GNL2: variants seen among roughly 807,000 people sequenced by gnomAD.
GNL2 encodes nucleolar GTP-binding protein 2.
GNL2 carries 51 observed loss-of-function variants against 92.3 expected under a neutral mutation model. The observed-to-expected ratio is 0.55, with a 90% CI of 0.44 to 0.70. GNL2 has a LOEUF of 0.70. Among genes scored for constraint, GNL2 ranks in the 30% least tolerant of loss-of-function variants. GNL2 has a pLI of 0.00. For missense variants in GNL2, 844 were observed against 895.6 expected, an observed-to-expected ratio of 0.94 and a Z score of 0.74; for synonymous variants, 283 against 300.6, an observed-to-expected ratio of 0.94 and a Z score of 0.61.
rs1283297999 is a variant in GNL2 at position 37,566,916 on chromosome 1, T to C, written c.2135A>G (p.Lys712Arg). ...CTGTCCCTCTGAGTCATTGGTCTTC[T>C]TTTTGTTCCTGTTCCTATTTTTCAC... ...HNVKNRNRNK[K>R]KTNDSEGQKH... The change falls in exon 16 of 16, where the codon AAG becomes AGG. Residue 712 changes from lysine (K) to arginine (R), a missense_variant. Transcript: ENST00000373062. 2 of 1,614,102 alleles carry C rather than the reference T, an allele frequency of 1.2e-6. No homozygotes were observed. Among genetic ancestry groups the C allele is most frequent in the Non-Finnish European group, 1.7e-6 (2 of 1,180,010 alleles).
intron 15 of GNL2, 142 bp from the exon 16 acceptor site, chr1:37,567,149 G>A: frequency 6.1e-6 from 5 of 819,232 alleles, no homozygotes; most frequent in Non-Finnish European, 7.6e-6. Context: ...TGCTAATGAG[G>A]GAGGGCTCCC....
At position 37,569,169 on chromosome 1, in the gene GNL2, T is replaced by C; in HGVS notation, c.1550A>G (p.Asp517Gly). 6.2e-7 allele frequency: 1 copy of C among 1,614,092 alleles called. No individual in the cohort carries two copies. The highest frequency in any genetic ancestry group is 1.3e-5 in the African/African-American group (1 of 75,048). ...AATCTGCTGCATCTCTGTGTTAGCA[T>C]CACAGTGACTGTTCTCTTCTGTTTC... Reference protein sequence around the residue: ...KEETEENSHCDANTEMQQILT... With the variant: ...KEETEENSHCGANTEMQQILT... Residue 517 changes from aspartate (D) to glycine (G), a missense_variant, in exon 13 of 16, where the codon GAT becomes GGT. By Grantham distance (94) the Asp-to-Gly change is moderately conservative. Transcript: ENST00000373062.
chr1:37,576,354 T>C (rs537747530), intron 9 of GNL2, 74 bp downstream of exon 9: 1 of 1,344,558 alleles, frequency 7.4e-7, no homozygotes, highest in South Asian at 1.3e-5. Flanking sequence ...CAGAGAGAAA[T>C]CAACAAGTCC....
At chr1:37,569,550 A>G (rs1189081736) in intron 12 of GNL2, 4 of 417,308 alleles carry the variant, frequency 9.6e-6, no homozygotes, top group Non-Finnish European at 1.3e-5. Flanking sequence ...TATTTAAACC[A>G]TTAAAACCAA....
At chr1:37,578,840 A>G (rs1643719758) in intron 8 of GNL2, among the ~76,000 whole-genome samples, 1 of 152,190 alleles carries the variant, frequency 6.6e-6, no homozygotes. Flanking sequence ...GATTATAGGC[A>G]TGAGCCACTC....
Position 37,583,919 on chromosome 1 carries a change from T to A in GNL2, c.584A>T (p.Glu195Val). Residue 195 changes from glutamate (E) to valine (V), a missense_variant, in exon 6 of 16, where the codon GAA becomes GTA. Physicochemically the swap from Glu to Val is moderately radical, Grantham distance 121. Coordinates refer to ENST00000373062, the MANE Select transcript of GNL2 (RefSeq NM_013285.3). ...GGACTGTCCCTTTTTATAGATCTCT[T>A]CTTGAGCTTCATTTCTAAATAAGAA... Reference protein sequence around the residue: ...EDTGVRNEAQEEIYKKGQSKR... With the variant: ...EDTGVRNEAQVEIYKKGQSKR... 1 of 1,573,318 alleles carries A rather than the reference T, an allele frequency of 6.4e-7. No individual in the cohort carries two copies. Among genetic ancestry groups the A allele is most frequent in the South Asian group, 1.1e-5 (1 of 90,392 alleles).
At chr1:37,582,501 C>A (rs772662953) in intron 7 of GNL2, among the ~76,000 whole-genome samples, 165 bp from the exon 8 acceptor site, 1 of 152,218 alleles carries the variant, frequency 6.6e-6, no homozygotes, top group Non-Finnish European at 1.5e-5. Context: ...ACAGTTAATG[C>A]TTTGTTCTTC....
intron 5 of GNL2, among the ~76,000 whole-genome samples, chr1:37,585,791 C>A (rs1022777485): frequency 2.6e-5 from 4 of 152,144 alleles, no homozygotes; most frequent in African/African-American, 7.2e-5. Flanking sequence ...GGTAATAACA[C>A]TGATGCAGTC....
rs1284494647 is a variant in GNL2, at chr1:37,568,962, T to TC, written c.1756dup (p.Glu586GlyfsTer13). The TC allele has an allele frequency of 6.2e-7, 1 of 1,614,142 alleles. No individual in the cohort carries two copies. Among genetic ancestry groups the TC allele is most frequent in the Admixed American group, 1.7e-5 (1 of 60,016 alleles). ...TTTGGTGTCGTTTCCCACATTTTCC[T>TC]CCTCAGGCTCCGAGGAAGACTCTTC... is the stretch of plus-strand genomic sequence containing the variant. On this transcript the variant is annotated frameshift_variant, in exon 13 of 16. Transcript: ENST00000373062. LOFTEE classifies it high-confidence loss of function.
chr1:37,587,085 G>A (rs1418765315), intron 5 of GNL2, among the ~76,000 whole-genome samples: 10 of 151,986 alleles, frequency 6.6e-5, no homozygotes, highest in Admixed American at 5.2e-4. Context: ...TGGGCAACAC[G>A]GTGAAACCTT....
chr1:37,573,043 C>T (rs375886593), intron 12 of GNL2, among the ~76,000 whole-genome samples: 30 of 152,150 alleles, frequency 2.0e-4, no homozygotes, highest in Admixed American at 7.9e-4. Context: ...ACCACCAGTA[C>T]CCAGAAGAGT....
rs1411155919 is a variant in GNL2 at position 37,590,083 on chromosome 1, A to G, written c.384+623T>C. 2.6e-5 allele frequency among the ~76,000 whole-genome samples: 4 copies of G among 152,182 alleles called. No individual in the cohort carries two copies. In the East Asian group the frequency reaches 7.7e-4, roughly 29 times the overall value. ...TTTACAGATGCTTCATCTGTAGCCAATAACCCAAGGAGGTCGGTTATCTAT... is the reference window on the plus strand; with the variant it reads ...TTTACAGATGCTTCATCTGTAGCCAGTAACCCAAGGAGGTCGGTTATCTAT... On this transcript the variant is annotated intron_variant, in intron 4 of 15. Transcript: ENST00000373062.
At position 37,593,659 on chromosome 1, in the gene GNL2, A is replaced by T. The variant is rs114154084; in HGVS notation, c.149+103T>A. ...TTATATTTGAGAATATATAACTCCT[A>T]TTTGGAGGAAGTGGGGGTGAGAACA... On this transcript the variant is annotated intron_variant, in intron 2 of 15. Transcript: ENST00000373062. 1.5e-3 allele frequency: 1,081 copies of T among 742,720 alleles called. 10 individuals carry two copies. The African/African-American group carries it at 0.017, about 12-fold the overall frequency. The allele number at this position is 742,720 out of a possible 1,614,324, so 46.0% of individuals were successfully genotyped here. A position where few individuals can be genotyped will look rare whatever the true frequency, so the allele number is the denominator to read the frequency against.
Position 37,567,095 on chromosome 1 carries a change from C to G in GNL2, c.2044-88G>C, listed in dbSNP as rs1314949429. The G allele has an allele frequency of 1.2e-5, 17 of 1,367,394 alleles. No individual in the cohort carries two copies. The South Asian group carries it at 1.5e-4, about 12-fold the overall frequency. 84.7% of individuals were successfully genotyped at this position (1,367,394 alleles called of 1,614,324 possible). A position where few individuals can be genotyped will look rare whatever the true frequency, so the allele number is the denominator to read the frequency against. On this transcript the variant is annotated intron_variant, in intron 15 of 15. Coordinates refer to ENST00000373062, the MANE Select transcript of GNL2 (RefSeq NM_013285.3). ...AAACAGGAGTCTCTGCTTCTCATCT[C>G]TGTGTTCTATTTCCCGTGCTGCTTC...
In GNL2 at chr1:37,569,085, T is replaced by C; in HGVS notation, c.1634A>G (p.Asp545Gly). ...KINVVPQFSG[D>G]DLVPVEVSDL... ...TGACACCTCCACAGGAACCAGGTCA[T>C]CCCCAGAAAACTGAGGCACCACGTT... The change falls in exon 13 of 16, where the codon GAT (aspartate) becomes GGT (glycine). Residue 545 changes from aspartate to glycine, a missense_variant. Physicochemically the swap from Asp to Gly is moderately conservative, Grantham distance 94. Transcript: ENST00000373062. The C allele has an allele frequency of 6.2e-7, 1 of 1,614,140 alleles. No homozygotes were observed. Among genetic ancestry groups the C allele is most frequent in the East Asian group, 2.2e-5 (1 of 44,884 alleles).
chr1:37,568,656 C>T (rs1392509678), intron 13 of GNL2, among the ~76,000 whole-genome samples, 195 bp downstream of exon 13: 1 of 152,160 alleles, frequency 6.6e-6, no homozygotes, highest in Non-Finnish European at 1.5e-5. Flanking sequence ...GAGATGACAG[C>T]ATTGCTTGAA....
At chr1:37,595,616 C>G in intron 1 of GNL2, 143 bp downstream of exon 1, 1 of 715,872 alleles carries the variant, frequency 1.4e-6, no homozygotes, top group Non-Finnish European at 2.4e-6. Context: ...TTCCTTTTTC[C>G]CTTTTCATCC....
intron 6 of GNL2, among the ~76,000 whole-genome samples, chr1:37,583,569 G>A (rs1643805840): frequency 6.6e-6 from 1 of 152,170 alleles, no homozygotes; most frequent in Admixed American, 6.5e-5. Flanking sequence ...TGTTGCATGT[G>A]ACTTTAACTA....
At chr1:37,590,997 A>G in intron 3 of GNL2, 152 bp from the exon 4 acceptor site, 1 of 618,318 alleles carries the variant, frequency 1.6e-6, no homozygotes, top group Non-Finnish European at 2.7e-6. Context: ...TTAAAAGAGG[A>G]AAAAACCAAA....
Sources: allele counts gnomAD v4.1 joint callset (sites outside exome capture counted in the v4.1 genomes callset), GRCh38; gene constraint gnomAD v4.1.1; transcripts MANE v1.5; gene names NCBI Gene and HGNC (gene_info 2026-07-23, HGNC 2026-07-21).